Variants in YEATS4 observed in about 807,000 individuals in gnomAD.
The protein encoded by YEATS4 is YEATS domain-containing protein 4.
In YEATS4, 17 loss-of-function variants were observed where a neutral mutation model predicts 30.1. The ratio of observed to expected loss-of-function variants is 0.56; its 90% CI spans 0.39 to 0.85. YEATS4 has a LOEUF of 0.85. Among genes scored for constraint, YEATS4 ranks in the 40% least tolerant of loss-of-function variants. YEATS4 has a pLI of 0.00. For synonymous variants in YEATS4, 85 were observed against 87.5 expected, an observed-to-expected ratio of 0.97 and a Z score of 0.16; for missense variants, 142 against 268.3, an observed-to-expected ratio of 0.53 and a Z score of 3.29.
chr12:69,401,990 G>A, the YEATS4 span, among the ~76,000 whole-genome samples: 15 of 152,168 alleles, frequency 9.9e-5, no homozygotes, highest in South Asian at 2.1e-4. Flanking sequence ...CCCTAGATTT[G>A]TATTCCCATT....
chr12:69,359,783 C>T lies in YEATS4; in HGVS notation c.-190C>T. On this transcript the variant is annotated 5_prime_UTR_variant, in exon 1 of 7. Transcript: ENST00000247843. The stretch of plus-strand genomic sequence containing the variant: ...TCTCCACCTGCGCGGGCCTGAATGG[C>T]CTTCAGGAGCACAGTCGGCCTGAGG... 1.6e-6 allele frequency: 1 copy of T among 643,270 alleles called. No homozygotes were observed. The highest frequency in any genetic ancestry group is 3.0e-5 in the East Asian group (1 of 33,712). 39.8% of individuals were successfully genotyped at this position (643,270 alleles called of 1,614,324 possible).
intron 6 of YEATS4, among the ~76,000 whole-genome samples, chr12:69,379,417 T>C (rs1333022327): frequency 1.3e-5 from 2 of 151,804 alleles, no homozygotes; most frequent in African/African-American, 2.4e-5. Flanking sequence ...ACCCCTACCC[T>C]GCCTTTTTAT....
the YEATS4 span, among the ~76,000 whole-genome samples, chr12:69,403,199 G>T: frequency 6.6e-6 from 1 of 152,090 alleles, no homozygotes; most frequent in Non-Finnish European, 1.5e-5. Context: ...TTTGTGATTT[G>T]CTCTGTGAAT....
chr12:69,395,574 C>T (rs1868345495), downstream of YEATS4, among the ~76,000 whole-genome samples: 1 of 151,890 alleles, frequency 6.6e-6, no homozygotes, highest in Admixed American at 6.6e-5. Context: ...GACTAACTAT[C>T]TTCATTATGT....
At chr12:69,365,944 A>G (rs1875411745) in intron 4 of YEATS4, 60 bp downstream of exon 4, 3 of 1,217,302 alleles carry the variant, frequency 2.5e-6, no homozygotes, top group Non-Finnish European at 3.5e-6. Flanking sequence ...TGAACATGTA[A>G]TAATACTTAA....
chr12:69,408,433 G>GT, the YEATS4 span, among the ~76,000 whole-genome samples: 1 of 152,234 alleles, frequency 6.6e-6, no homozygotes, highest in Non-Finnish European at 1.5e-5. Flanking sequence ...GTTAACACTT[G>GT]TAAATTTGTA....
At chr12:69,363,963 AG>A (rs1442788202) in intron 2 of YEATS4, among the ~76,000 whole-genome samples, 1 of 152,260 alleles carries the variant, frequency 6.6e-6, no homozygotes, top group African/African-American at 2.4e-5. Flanking sequence ...AATATAAAAA[AG>A]GCCAAATATT....
chr12:69,380,675 G>A (rs1462980132), intron 6 of YEATS4, among the ~76,000 whole-genome samples: 1 of 151,918 alleles, frequency 6.6e-6, no homozygotes, highest in Non-Finnish European at 1.5e-5. Context: ...CCAGTATCAG[G>A]GGAAATTCAG....
At position 69,362,982 on chromosome 12, in the gene YEATS4, G is replaced by GT. The variant is rs144560377; in HGVS notation, c.171+103dup. On this transcript the variant is annotated intron_variant, in intron 2 of 6. Coordinates refer to ENST00000247843, the MANE Select transcript of YEATS4 (RefSeq NM_006530.4). ...TTGTTTTGCTTAAAGACAACCTGTA[G>GT]TTTTTTTTTTTTTTTTTTTTTTTTT... 21 of 353,416 alleles carry GT rather than the reference G, an allele frequency of 5.9e-5. 1 individual carries two copies. Among genetic ancestry groups the GT allele is most frequent in the South Asian group, 1.8e-4 (3 of 16,306 alleles). The allele number at this position is 353,416 out of a possible 1,614,324, so 21.9% of individuals were successfully genotyped here.
chr12:69,399,977 A>G, the YEATS4 span, among the ~76,000 whole-genome samples: 1 of 152,180 alleles, frequency 6.6e-6, no homozygotes, highest in African/African-American at 2.4e-5. Flanking sequence ...TGGGTGGGGA[A>G]GGGAGGATGG....
chr12:69,392,849 G>A (rs1868326269), downstream of YEATS4, among the ~76,000 whole-genome samples: 4 of 152,124 alleles, frequency 2.6e-5, no homozygotes, highest in South Asian at 8.3e-4. Context: ...TTAATTGTCT[G>A]TTGCTCATGC....
chr12:69,366,981 C>T (rs1477415000), intron 4 of YEATS4, among the ~76,000 whole-genome samples: 2 of 152,170 alleles, frequency 1.3e-5, no homozygotes, highest in Non-Finnish European at 2.9e-5. Context: ...GCCAGCACCC[C>T]AGGTGATTTT....
At chr12:69,421,534 G>A in the YEATS4 span, among the ~76,000 whole-genome samples, 1 of 152,166 alleles carries the variant, frequency 6.6e-6, no homozygotes, top group Non-Finnish European at 1.5e-5. Flanking sequence ...GAAGCCAAGC[G>A]GGGTGTAGTT....
intron 6 of YEATS4, among the ~76,000 whole-genome samples, chr12:69,385,052 C>T (rs1292924270): frequency 6.6e-6 from 1 of 152,162 alleles, no homozygotes; most frequent in Non-Finnish European, 1.5e-5. Flanking sequence ...CGCTCTGTCA[C>T]TCAGGCTGGG....
the YEATS4 span, among the ~76,000 whole-genome samples, chr12:69,424,843 G>A: frequency 6.6e-6 from 1 of 152,228 alleles, no homozygotes; most frequent in East Asian, 1.9e-4. Context: ...AAATTACCCA[G>A]TCTCAGGTAT....
chr12:69,407,957 C>T, the YEATS4 span, among the ~76,000 whole-genome samples: 1 of 152,128 alleles, frequency 6.6e-6, no homozygotes, highest in African/African-American at 2.4e-5. Flanking sequence ...CTCAGGTGAT[C>T]CGCCCACCTT....
intron 6 of YEATS4, among the ~76,000 whole-genome samples, chr12:69,386,889 T>C (rs1447523046): frequency 6.6e-6 from 1 of 152,138 alleles, no homozygotes; most frequent in Admixed American, 6.6e-5. Flanking sequence ...TATGATAAAG[T>C]TTAATTTATA....
the YEATS4 span, among the ~76,000 whole-genome samples, chr12:69,398,444 A>T: frequency 9.1e-4 from 138 of 152,298 alleles, 2 homozygotes; most frequent in Middle Eastern, 0.01. Flanking sequence ...TTTTAAAAAA[A>T]TTTCATTTAT....
In YEATS4 at chr12:69,390,471, T is replaced by G. The variant is rs76304565; in HGVS notation, c.*155T>G. 20,170 of 608,094 alleles carry G rather than the reference T, an allele frequency of 0.033. 423 individuals carry two copies. Among genetic ancestry groups the G allele is most frequent in the Middle Eastern group, 0.051 (126 of 2,470 alleles). 37.7% of individuals were successfully genotyped at this position (608,094 alleles called of 1,614,324 possible). ...TCTTAGCAATAGGAATTTGTACTAT[T>G]TAAGCAATCTTTAATGGAAAATATG... is the stretch of plus-strand genomic sequence containing the variant. On this transcript the variant is annotated 3_prime_UTR_variant, in exon 7 of 7. Transcript: ENST00000247843.
Sources: gnomAD v4.1 joint callset for allele counts (sites outside exome capture counted in the v4.1 genomes callset) on GRCh38, gnomAD v4.1.1 for gene constraint, MANE v1.5 for transcripts, NCBI Gene and HGNC (gene_info 2026-07-23, HGNC 2026-07-21) for gene names.